The following LMBRD2 variants were observed in gnomAD, a reference collection of about 807,000 sequenced individuals.
LMBRD2 encodes the protein G protein-coupled receptor-associated protein LMBRD2.
LMBRD2 carries 55 observed loss-of-function variants against 94.4 expected under a neutral mutation model. The ratio of observed to expected loss-of-function variants is 0.58; its 90% CI spans 0.47 to 0.73. The LOEUF (loss-of-function observed/expected upper bound fraction) is 0.73, where lower values mean the gene tolerates loss of function less well. LMBRD2 is among the 30% of genes least tolerant of loss of function. The pLI, the probability that LMBRD2 is intolerant of heterozygous loss-of-function variation, is 0.00. For synonymous variants in LMBRD2, 246 were observed against 272.4 expected, an observed-to-expected ratio of 0.90 and a Z score of 0.95; for missense variants, 640 against 831.9, an observed-to-expected ratio of 0.77 and a Z score of 2.84.
chr5:36,150,966 T>C (rs1184842688), intron 1 of LMBRD2, among the ~76,000 whole-genome samples: 3 of 152,260 alleles, frequency 2.0e-5, no homozygotes, highest in African/African-American at 7.2e-5. Context: ...TGCTTCCTTA[T>C]GAACTTTATA....
chr5:36,142,745 G>C, intron 2 of LMBRD2, 146 bp from the exon 3 acceptor site: 2 of 498,116 alleles, frequency 4.0e-6, no homozygotes, highest in Non-Finnish European at 7.1e-6. Context: ...TTTTGTGTGA[G>C]ACAGAGTCTC....
In LMBRD2 at chr5:36,136,375, A is replaced by G. The variant is rs1168372418; in HGVS notation, c.681T>C (p.Tyr227=). ...AKRGYLLMKT[Y]FKAAKLMTEK... is the part of the protein sequence containing the mutation. The stretch of plus-strand genomic sequence containing the variant: ...CTGTCATCAGTTTGGCTGCCTTAAA[A>G]TACGTTTTCATAAGTAGATAACCCC... Residue 227 remains tyrosine, a synonymous_variant, in exon 6 of 18, where the codon TAT becomes TAC. Coordinates refer to ENST00000296603, the MANE Select transcript of LMBRD2 (RefSeq NM_001007527.2). 6.2e-7 allele frequency: 1 copy of G among 1,614,088 alleles called. No homozygotes were observed. The highest frequency in any genetic ancestry group is 1.7e-5 in the Admixed American group (1 of 60,028).
At chr5:36,110,309 C>T (rs1411144875) in intron 14 of LMBRD2, among the ~76,000 whole-genome samples, 2 of 152,022 alleles carry the variant, frequency 1.3e-5, no homozygotes, top group African/African-American at 2.4e-5. Context: ...TAAGTTCATA[C>T]TTCTTTTCTT....
Position 36,108,695 on chromosome 5 carries a change from C to A in LMBRD2, c.1792-56G>T. ...AGAACAGAAAATAATTCATTAATGT[C>A]AAGAGATTACATATGCAATATAATT... On this transcript the variant is annotated intron_variant, in intron 15 of 17. Coordinates refer to ENST00000296603, the MANE Select transcript of LMBRD2 (RefSeq NM_001007527.2). The A allele has an allele frequency of 4.2e-6, 3 of 714,806 alleles. No homozygotes were observed. In the South Asian group the frequency reaches 7.9e-5, roughly 19 times the overall value. The allele number at this position is 714,806 out of a possible 1,614,324, so 44.3% of individuals were successfully genotyped here.
rs775908705 is a variant in LMBRD2, at chr5:36,124,393, T to A, written c.748-128A>T. On this transcript the variant is annotated intron_variant, in intron 6 of 17. Coordinates refer to ENST00000296603, the MANE Select transcript of LMBRD2 (RefSeq NM_001007527.2). ...TCAACACAAATTACTTTGCATTACA[T>A]GAATAAAGGTTCTTAAGAACACAAG... The A allele has an allele frequency of 3.1e-5, 17 of 548,056 alleles. No homozygotes were observed. In the East Asian group the frequency reaches 5.0e-4, roughly 16 times the overall value. 33.9% of individuals were successfully genotyped at this position (548,056 alleles called of 1,614,324 possible). A position where few individuals can be genotyped will look rare whatever the true frequency, so the allele number is the denominator to read the frequency against.
At chr5:36,143,452 T>C in intron 1 of LMBRD2, 46 bp from the exon 2 acceptor site, 1 of 768,314 alleles carries the variant, frequency 1.3e-6, no homozygotes, top group East Asian at 2.8e-5. Flanking sequence ...ACACAGGAAA[T>C]GACATTTGGA....
chr5:36,127,629 A>T (rs1744037023), intron 6 of LMBRD2, among the ~76,000 whole-genome samples: 2 of 152,184 alleles, frequency 1.3e-5, no homozygotes, highest in African/African-American at 4.8e-5. Flanking sequence ...GGTAATGAGG[A>T]TATACTCATT....
At chr5:36,139,289 C>G (rs1206596002) in intron 4 of LMBRD2, among the ~76,000 whole-genome samples, 1 of 152,238 alleles carries the variant, frequency 6.6e-6, no homozygotes, top group Non-Finnish European at 1.5e-5. Flanking sequence ...CCTCAGCCCA[C>G]TCTGGACTTT....
chr5:36,112,280 A>G (rs1401619927), intron 13 of LMBRD2, among the ~76,000 whole-genome samples: 2 of 152,178 alleles, frequency 1.3e-5, no homozygotes, highest in African/African-American at 4.8e-5. Context: ...TACCATCTTC[A>G]TATCCTTATG....
intron 4 of LMBRD2, among the ~76,000 whole-genome samples, chr5:36,140,794 G>A (rs976065869): frequency 1.3e-5 from 2 of 152,146 alleles, no homozygotes; most frequent in African/African-American, 4.8e-5. Context: ...AACAAAGAAG[G>A]AAAGTCTGGC....
chr5:36,111,896 A>T (rs1272820384), intron 13 of LMBRD2, among the ~76,000 whole-genome samples: 1 of 152,122 alleles, frequency 6.6e-6, no homozygotes, highest in Non-Finnish European at 1.5e-5. Flanking sequence ...GGGGTTAAAT[A>T]CTTTGCTAAA....
intron 6 of LMBRD2, among the ~76,000 whole-genome samples, chr5:36,128,080 A>G (rs1409993574): frequency 6.6e-6 from 1 of 152,054 alleles, no homozygotes; most frequent in East Asian, 1.9e-4. Flanking sequence ...GTTGTCCGGG[A>G]GAAAGTAAGG....
In LMBRD2 at chr5:36,151,006, A is replaced by T. The variant is rs1744689448; in HGVS notation, c.-58+550T>A. On this transcript the variant is annotated intron_variant, in intron 1 of 17. Transcript: ENST00000296603. The surrounding 1 kb of genome is among the most constrained non-coding windows in gnomAD (Gnocchi z 4.7). ...TTCATTTTTATGAGGCTTAGAATTC[A>T]TCCCCCTTCCCTCTTCCACTGTTTT... Among the ~76,000 whole-genome samples the T allele has an allele frequency of 5.9e-5, 9 of 152,308 alleles. No individual in the cohort carries two copies. The South Asian group carries it at 1.9e-3, about 32-fold the overall frequency.
intron 15 of LMBRD2, among the ~76,000 whole-genome samples, chr5:36,109,687 G>A (rs1247826760): frequency 6.6e-6 from 1 of 151,906 alleles, no homozygotes; most frequent in Non-Finnish European, 1.5e-5. Context: ...AAATATTCAT[G>A]GAGCACCTAC....
At chr5:36,140,549 G>T (rs977884286) in intron 4 of LMBRD2, among the ~76,000 whole-genome samples, 11 of 152,206 alleles carry the variant, frequency 7.2e-5, no homozygotes, top group African/African-American at 2.6e-4. Flanking sequence ...GGAGGGGAAA[G>T]AAAAAAAGAT....
At position 36,103,851 on chromosome 5, in the gene LMBRD2, C is replaced by T. The variant is rs1239018047; in HGVS notation, c.*195G>A. 3 of 415,784 alleles carry T rather than the reference C, an allele frequency of 7.2e-6. No homozygotes were observed. The highest frequency in any genetic ancestry group is 6.1e-5 in the African/African-American group (3 of 49,162). 25.8% of individuals were successfully genotyped at this position (415,784 alleles called of 1,614,324 possible). On this transcript the variant is annotated 3_prime_UTR_variant, in exon 18 of 18. Transcript: ENST00000296603. ...GCTTAGGAAATGATATGTAATAAATCTTGTTGAAAAAGGTGATACTCTATT... is the reference window on the plus strand; with the variant it reads ...GCTTAGGAAATGATATGTAATAAATTTTGTTGAAAAAGGTGATACTCTATT...
At chr5:36,120,291 G>T (rs1388512222) in intron 9 of LMBRD2, among the ~76,000 whole-genome samples, 2 of 151,416 alleles carry the variant, frequency 1.3e-5, no homozygotes, top group African/African-American at 4.9e-5. Context: ...CTCCCGAGTA[G>T]CTGGGACTAC....
Position 36,105,179 on chromosome 5 carries a change from C to G in LMBRD2, c.1916G>C (p.Arg639Thr). 1 of 1,612,122 alleles carries G rather than the reference C, an allele frequency of 6.2e-7. No homozygotes were observed. The highest frequency in any genetic ancestry group is 1.3e-5 in the African/African-American group (1 of 74,898). The change falls in exon 17 of 18, where the codon AGG becomes ACG. Residue 639 changes from arginine (R) to threonine (T), a missense_variant. Physicochemically the swap from Arg to Thr is moderately conservative, Grantham distance 71. Coordinates refer to ENST00000296603, the MANE Select transcript of LMBRD2 (RefSeq NM_001007527.2). ...NTNRSAFKYT[R>T]ANNRTERDRI... ...GTCCCTTTCAGTCCTGTTATTAGCC[C>G]TGGTATATTTGAATGCAGCTGCAAA...
intron 14 of LMBRD2, 51 bp from the exon 15 acceptor site, chr5:36,110,042 C>A (rs1193535209): frequency 7.5e-7 from 1 of 1,331,644 alleles, no homozygotes; most frequent in African/African-American, 1.5e-5. Flanking sequence ...TTTAATCAGA[C>A]ATAGTGCAAC....
Sources: gnomAD v4.1 joint callset for allele counts (sites outside exome capture counted in the v4.1 genomes callset) on GRCh38, gnomAD v4.1.1 for gene constraint, Gnocchi (gnomAD v3.1) non-coding constraint, MANE v1.5 for transcripts, NCBI Gene and HGNC (gene_info 2026-07-23, HGNC 2026-07-21) for gene names.